PDE1A: variants seen among roughly 807,000 people sequenced by gnomAD.
PDE1A encodes the protein phosphodiesterase 1A, also known as dual specificity calcium/calmodulin-dependent 3',5'-cyclic nucleotide phosphodiesterase 1A.
PDE1A carries 35 observed loss-of-function variants against 61.7 expected under a neutral mutation model. The ratio of observed to expected loss-of-function variants is 0.57; its 90% CI spans 0.43 to 0.75. The LOEUF (loss-of-function observed/expected upper bound fraction) is 0.75. Among genes scored for constraint, PDE1A ranks in the 30% least tolerant of loss-of-function variants. The pLI is 0.00. For synonymous variants in PDE1A, 232 were observed against 213.2 expected, an observed-to-expected ratio of 1.09 and a Z score of -0.77; for missense variants, 597 against 630.6, an observed-to-expected ratio of 0.95 and a Z score of 0.57.
At chr2:182,202,860 G>A (rs1246939015) in intron 8 of PDE1A, among the ~76,000 whole-genome samples, 1 of 152,132 alleles carries the variant, frequency 6.6e-6, no homozygotes, top group Non-Finnish European at 1.5e-5. Context: ...ATACAGATAA[G>A]TTAAAAAAGT....
At chr2:182,517,246 A>G (rs1335577894) in intron 2 of PDE1A, among the ~76,000 whole-genome samples, 1 of 152,232 alleles carries the variant, frequency 6.6e-6, no homozygotes, top group Non-Finnish European at 1.5e-5. Context: ...TTTTAAGAAC[A>G]CTGGTGGGGA....
intron 2 of PDE1A, among the ~76,000 whole-genome samples, chr2:182,488,431 T>C (rs1235433725): frequency 2.6e-5 from 4 of 152,150 alleles, no homozygotes; most frequent in Non-Finnish European, 4.4e-5. Context: ...TAGGAGGCAA[T>C]ATATGAAAAA....
At chr2:182,360,499 T>C (rs1051405922) in intron 1 of PDE1A, among the ~76,000 whole-genome samples, 7 of 150,682 alleles carry the variant, frequency 4.6e-5, no homozygotes, top group African/African-American at 1.5e-4. Context: ...TTATTCATGT[T>C]AGGTTTGTCT....
chr2:182,210,771 A>G (rs1236383275), intron 7 of PDE1A, among the ~76,000 whole-genome samples: 1 of 152,042 alleles, frequency 6.6e-6, no homozygotes, highest in Non-Finnish European at 1.5e-5. Context: ...TCTTCTAGGA[A>G]TTTTATAGAT....
At chr2:182,534,190 C>T in the PDE1A span, among the ~76,000 whole-genome samples, 8 of 152,012 alleles carry the variant, frequency 5.3e-5, no homozygotes, top group African/African-American at 1.9e-4. Flanking sequence ...CTTAACTTCT[C>T]TTCAAAATTG....
chr2:182,240,072 A>G (rs1222918790), intron 3 of PDE1A, 38 bp downstream of exon 3: 3 of 1,580,088 alleles, frequency 1.9e-6, no homozygotes, highest in Non-Finnish European at 2.6e-6. Context: ...GCTGCCTTTC[A>G]AATGTTACTG....
At chr2:182,511,112 C>T (rs1452705121) in intron 2 of PDE1A, among the ~76,000 whole-genome samples, 1 of 152,030 alleles carries the variant, frequency 6.6e-6, no homozygotes, top group East Asian at 1.9e-4. Flanking sequence ...ATTCTCTCAA[C>T]ACCGATGAGA....
intron 1 of PDE1A, among the ~76,000 whole-genome samples, chr2:182,358,295 C>T (rs1699309989): frequency 6.6e-6 from 1 of 152,116 alleles, no homozygotes; most frequent in African/African-American, 2.4e-5. Context: ...GTTCACTTAA[C>T]CAATCACTAC....
intron 10 of PDE1A, among the ~76,000 whole-genome samples, chr2:182,198,134 A>C (rs1363540374): frequency 3.3e-5 from 5 of 151,832 alleles, no homozygotes; most frequent in African/African-American, 4.8e-5. Context: ...GGTTTCCCCC[A>C]AAATTTTATT....
chr2:182,360,684 T>C (rs1422375179), intron 1 of PDE1A, among the ~76,000 whole-genome samples: 1 of 151,998 alleles, frequency 6.6e-6, no homozygotes. Context: ...AATAGTAATG[T>C]ATATATTCAA....
At chr2:182,432,363 T>C (rs1334259953) in intron 2 of PDE1A, among the ~76,000 whole-genome samples, 1 of 152,138 alleles carries the variant, frequency 6.6e-6, no homozygotes, top group East Asian at 1.9e-4. Flanking sequence ...GGATTAAAAA[T>C]ACAGCACACT....
rs191714125 is a variant in PDE1A, at chr2:182,160,002, A to G, written c.1517-12850T>C. ...GAAAATGCCAAGTTCTAAACACTTT[A>G]TATACATTGACTCATTTAATCCTCC... On this transcript the variant is annotated intron_variant, in intron 13 of 13. Coordinates refer to the PDE1A transcript ENST00000409365. 4.7e-4 allele frequency among the ~76,000 whole-genome samples: 71 copies of G among 152,304 alleles called. No individual in the cohort carries two copies. The East Asian group carries it at 0.012, about 25-fold the overall frequency.
intron 2 of PDE1A, among the ~76,000 whole-genome samples, chr2:182,508,462 T>A (rs1337918794): frequency 6.6e-6 from 1 of 151,592 alleles, no homozygotes; most frequent in Non-Finnish European, 1.5e-5. Flanking sequence ...GGTTTACAAA[T>A]GAAAGGTGAG....
intron 13 of PDE1A, among the ~76,000 whole-genome samples, chr2:182,159,326 G>C (rs1237808715): frequency 6.6e-6 from 1 of 152,178 alleles, no homozygotes; most frequent in Non-Finnish European, 1.5e-5. Flanking sequence ...AGAGTGAGCA[G>C]TTGTAGTAAC....
chr2:182,349,442 T>C (rs1698724634), intron 1 of PDE1A, among the ~76,000 whole-genome samples: 1 of 152,218 alleles, frequency 6.6e-6, no homozygotes, highest in Non-Finnish European at 1.5e-5. Context: ...CAAGCATTTA[T>C]GTTTAGATTT....
At chr2:182,432,493 T>G (rs1172610298) in intron 2 of PDE1A, among the ~76,000 whole-genome samples, 2 of 152,006 alleles carry the variant, frequency 1.3e-5, no homozygotes, top group Non-Finnish European at 2.9e-5. Context: ...GGAACTACCC[T>G]CACTAAGCTC....
chr2:182,437,365 T>C (rs2125660990), intron 2 of PDE1A, among the ~76,000 whole-genome samples: 1 of 152,086 alleles, frequency 6.6e-6, no homozygotes, highest in Middle Eastern at 3.4e-3. Flanking sequence ...AAATAATTAA[T>C]TGATTAATTA....
chr2:182,248,274 A>T (rs1328778996), intron 2 of PDE1A, among the ~76,000 whole-genome samples: 7 of 152,002 alleles, frequency 4.6e-5, no homozygotes, highest in Non-Finnish European at 8.8e-5. Flanking sequence ...AAAAAGAAAA[A>T]AGCAATTCTT....
chr2:182,374,006 T>C (rs1484415737), intron 1 of PDE1A, among the ~76,000 whole-genome samples: 2 of 152,160 alleles, frequency 1.3e-5, no homozygotes, highest in Non-Finnish European at 2.9e-5. Context: ...ACAGCAGTCA[T>C]TCAATTATTT....
Sources: allele counts gnomAD v4.1 joint callset (sites outside exome capture counted in the v4.1 genomes callset), GRCh38; gene constraint gnomAD v4.1.1; transcripts MANE v1.5; gene names NCBI Gene and HGNC (gene_info 2026-07-23, HGNC 2026-07-21).